LEF1: variants seen among roughly 807,000 people sequenced by gnomAD.
The protein encoded by LEF1 is lymphoid enhancer binding factor 1.
Under a neutral mutation model 51.2 loss-of-function variants are expected in LEF1, and 14 were observed. The observed-to-expected ratio is 0.27, with a 90% CI of 0.18 to 0.43. LEF1 has a LOEUF of 0.43. Ranked by LOEUF, LEF1 falls within the 20% of genes least tolerant of loss-of-function variation. The probability of loss-of-function intolerance (pLI) is 1.00; values close to 1 mark genes in which losing one functional copy is unlikely to be tolerated. For synonymous variants in LEF1, 185 were observed against 183.2 expected, an observed-to-expected ratio of 1.01 and a Z score of -0.08; for missense variants, 386 against 512.0, an observed-to-expected ratio of 0.75 and a Z score of 2.37.
chr4:108,090,631 T>C (rs1045943751), intron 3 of LEF1, among the ~76,000 whole-genome samples: 1 of 152,200 alleles, frequency 6.6e-6, no homozygotes, highest in African/African-American at 2.4e-5. Context: ...TTCTGATACC[T>C]GTATAAAAGG....
Position 108,126,962 on chromosome 4 carries a change from GA to G in LEF1, c.414+36605del, listed in dbSNP as rs1269670123. On this transcript the variant is annotated intron_variant, in intron 3 of 11. Transcript: ENST00000265165. The stretch of plus-strand genomic sequence containing the variant: ...CTTAAGAATCTGTATGTAATCTAAT[GA>G]GGGGGATGAGATGTAAATGAACAAC... Among the ~76,000 whole-genome samples the G allele has an allele frequency of 3.3e-5, 5 of 152,040 alleles. No individual in the cohort carries two copies. The East Asian group carries it at 9.6e-4, about 29-fold the overall frequency.
intron 3 of LEF1, among the ~76,000 whole-genome samples, chr4:108,128,883 G>C (rs1338213004): frequency 5.9e-5 from 9 of 152,092 alleles, no homozygotes; most frequent in Non-Finnish European, 1.0e-4. Context: ...AAGAAGAAGA[G>C]AAGAAACCCA....
At chr4:108,131,609 C>T (rs1742903465) in intron 3 of LEF1, among the ~76,000 whole-genome samples, 1 of 152,138 alleles carries the variant, frequency 6.6e-6, no homozygotes, top group South Asian at 2.1e-4. Context: ...TTGCTGAATA[C>T]CCACCAAATG....
At chr4:108,161,203 A>G (rs1745033664) in intron 3 of LEF1, among the ~76,000 whole-genome samples, 1 of 152,160 alleles carries the variant, frequency 6.6e-6, no homozygotes, top group South Asian at 2.1e-4. Flanking sequence ...ACACATTAAA[A>G]ACAGCTGTTA....
intron 3 of LEF1, among the ~76,000 whole-genome samples, chr4:108,110,801 C>A (rs1422129422): frequency 6.6e-6 from 1 of 152,178 alleles, no homozygotes; most frequent in Non-Finnish European, 1.5e-5. Flanking sequence ...AGAAAATATG[C>A]AGAATTCACA....
At position 108,109,870 on chromosome 4, in the gene LEF1, C is replaced by G. The variant is rs570587814; in HGVS notation, c.415-20613G>C. 3.9e-5 allele frequency among the ~76,000 whole-genome samples: 6 copies of G among 152,250 alleles called. No individual in the cohort carries two copies. In the South Asian group the frequency reaches 6.2e-4, roughly 16 times the overall value. On this transcript the variant is annotated intron_variant, in intron 3 of 11. Coordinates refer to ENST00000265165, the MANE Select transcript of LEF1 (RefSeq NM_016269.5). The stretch of plus-strand genomic sequence containing the variant: ...GGCTCTTGGGGAAGGGGGGCAGGCA[C>G]AGCAGGTCTACAAAATACACACCTG...
At chr4:108,077,384 G>A (rs56377346) in intron 8 of LEF1, among the ~76,000 whole-genome samples, 34 of 121,374 alleles carry the variant, frequency 2.8e-4, no homozygotes, top group South Asian at 1.1e-3. Context: ...CTGTCTGGGA[G>A]GTGAGGGGCA....
intron 5 of LEF1, among the ~76,000 whole-genome samples, chr4:108,082,733 A>G (rs1739390300): frequency 6.6e-6 from 1 of 152,218 alleles, no homozygotes; most frequent in African/African-American, 2.4e-5. Context: ...TATTTCCTTC[A>G]CCTTCATAAT....
At chr4:108,107,857 A>C (rs75126167) in intron 3 of LEF1, among the ~76,000 whole-genome samples, 8,103 of 152,098 alleles carry the variant, frequency 0.053, 685 homozygotes, top group African/African-American at 0.18. Flanking sequence ...CAGAAAACCT[A>C]CTACAGGCAC....
chr4:108,117,153 T>C (rs1741889512), intron 3 of LEF1, among the ~76,000 whole-genome samples: 1 of 152,228 alleles, frequency 6.6e-6, no homozygotes, highest in South Asian at 2.1e-4. Flanking sequence ...TTAGAAAATC[T>C]AAACAAAAAT....
At chr4:108,118,268 A>G (rs1256989068) in intron 3 of LEF1, among the ~76,000 whole-genome samples, 1 of 152,254 alleles carries the variant, frequency 6.6e-6, no homozygotes, top group Non-Finnish European at 1.5e-5. Context: ...GGAAGGTGGC[A>G]AAGAATTCAT....
chr4:108,060,605 AC>A (rs1249623061), intron 11 of LEF1, among the ~76,000 whole-genome samples: 4 of 151,250 alleles, frequency 2.6e-5, no homozygotes, highest in African/African-American at 9.7e-5. Context: ...AGAACAGAAG[AC>A]CCCCTCCATT....
At chr4:108,127,855 T>C (rs143169099) in intron 3 of LEF1, among the ~76,000 whole-genome samples, 1 of 152,280 alleles carries the variant, frequency 6.6e-6, no homozygotes, top group African/African-American at 2.4e-5. Context: ...GCAAAAAGAA[T>C]GAGGTCAGGG....
At chr4:108,070,860 TA>T (rs745539236) in intron 8 of LEF1, 90 bp from the exon 9 acceptor site, 6 of 885,966 alleles carry the variant, frequency 6.8e-6, no homozygotes, top group Non-Finnish European at 1.1e-5. Context: ...ATGAAAATAT[TA>T]AGCATTTAAA....
At chr4:108,139,719 C>A (rs1743521146) in intron 3 of LEF1, among the ~76,000 whole-genome samples, 1 of 152,196 alleles carries the variant, frequency 6.6e-6, no homozygotes, top group Non-Finnish European at 1.5e-5. Flanking sequence ...CTAGGATCAT[C>A]TCACAAACAT....
At chr4:108,134,739 T>C (rs904198489) in intron 3 of LEF1, among the ~76,000 whole-genome samples, 2 of 152,258 alleles carry the variant, frequency 1.3e-5, no homozygotes, top group Admixed American at 6.5e-5. Flanking sequence ...CATCGTTTTA[T>C]ACATGAGGAA....
At chr4:108,062,407 T>C (rs1737755843) in intron 11 of LEF1, among the ~76,000 whole-genome samples, 1 of 152,196 alleles carries the variant, frequency 6.6e-6, no homozygotes, top group South Asian at 2.1e-4. Context: ...CGGTGCCCTC[T>C]TGCCATGTGG....
chr4:108,063,659 T>C lies in LEF1; in HGVS notation c.1170A>G (p.Thr390=). ...REKLQESASG[T]GPRMTAAYI ...TGTAGGCAGCTGTCATTCTTGGACC[T>C]GTACCTGCAGAAAATTGTGTCTTTA... is the stretch of plus-strand genomic sequence containing the variant. The change falls in exon 11 of 12, where the codon ACA becomes ACG. Residue 390 remains threonine (T), a synonymous_variant. Coordinates refer to ENST00000265165, the MANE Select transcript of LEF1 (RefSeq NM_016269.5). 1 of 1,592,644 alleles carries C rather than the reference T, an allele frequency of 6.3e-7. No homozygotes were observed. The highest frequency in any genetic ancestry group is 8.5e-7 in the Non-Finnish European group (1 of 1,173,186).
intron 3 of LEF1, among the ~76,000 whole-genome samples, chr4:108,100,810 C>A (rs1290742263): frequency 3.9e-5 from 6 of 152,186 alleles, no homozygotes; most frequent in Non-Finnish European, 7.3e-5. Context: ...TATAACAGCA[C>A]CCCACTGGCA....
Sources: allele counts gnomAD v4.1 joint callset (sites outside exome capture counted in the v4.1 genomes callset), GRCh38; gene constraint gnomAD v4.1.1; transcripts MANE v1.5; gene names NCBI Gene and HGNC (gene_info 2026-07-23, HGNC 2026-07-21).